KLHL32: variants seen among roughly 807,000 people sequenced by gnomAD.
The protein encoded by KLHL32 is kelch like family member 32.
Under a neutral mutation model 64.8 loss-of-function variants are expected in KLHL32, and 35 were observed. That is an observed-to-expected ratio of 0.54 (90% CI 0.41 to 0.72). The LOEUF (loss-of-function observed/expected upper bound fraction) is 0.72, where lower values mean the gene tolerates loss of function less well. Ranked by LOEUF, KLHL32 falls within the 30% of genes least tolerant of loss-of-function variation. KLHL32 has a pLI of 0.00. For synonymous variants in KLHL32, 259 were observed against 281.0 expected (o/e 0.92, Z 0.78); for missense variants, 589 against 768.5 (o/e 0.77, Z 2.76).
At chr6:97,044,250 G>A (rs1785579949) in intron 4 of KLHL32, among the ~76,000 whole-genome samples, 2 of 151,918 alleles carry the variant, frequency 1.3e-5, no homozygotes, top group African/African-American at 2.4e-5. Flanking sequence ...TCAGATGATC[G>A]TATGGTTGTT....
intron 3 of KLHL32, among the ~76,000 whole-genome samples, chr6:96,996,015 C>T (rs989539541): frequency 6.6e-6 from 1 of 152,184 alleles, no homozygotes; most frequent in African/African-American, 2.4e-5. Flanking sequence ...TGAGGGGCCT[C>T]GAGTGGTGGG....
Position 97,008,786 on chromosome 6 carries a change from A to G in KLHL32, c.204+32609A>G, listed in dbSNP as rs141408661. ...ATCCTTTCCCTCCAGCCTGGCCTCT[A>G]TGTCTTCCTTCCATCCACTCATTGC... On this transcript the variant is annotated intron_variant, in intron 3 of 10. Coordinates refer to ENST00000369261, the MANE Select transcript of KLHL32 (RefSeq NM_052904.4). Among the ~76,000 whole-genome samples the G allele has an allele frequency of 1.8e-3, 267 of 152,102 alleles. 3 individuals carry two copies. The highest frequency in any genetic ancestry group is 6.0e-3 in the African/African-American group (248 of 41,486).
rs139640874 is a variant in KLHL32, at chr6:96,944,932, A to C, written c.-66+19906A>C. 3.3e-4 allele frequency among the ~76,000 whole-genome samples: 50 copies of C among 152,336 alleles called. 1 individual carries two copies. Among genetic ancestry groups the C allele is most frequent in the Admixed American group, 3.3e-3 (50 of 15,298 alleles). ...CTTACAAGAGCTTTTCTTTATTGGA[A>C]GAATGATCGTCTTTACTCTTAAATT... On this transcript the variant is annotated intron_variant, in intron 1 of 10. Coordinates refer to ENST00000369261, the MANE Select transcript of KLHL32 (RefSeq NM_052904.4).
At chr6:97,016,339 G>A (rs1263005986) in intron 3 of KLHL32, among the ~76,000 whole-genome samples, 2 of 152,230 alleles carry the variant, frequency 1.3e-5, no homozygotes, top group Non-Finnish European at 2.9e-5. Context: ...CCAAGGCTAT[G>A]GGAGCCCACC....
intron 5 of KLHL32, among the ~76,000 whole-genome samples, chr6:97,084,836 A>G (rs553983857): frequency 6.6e-6 from 1 of 152,348 alleles, no homozygotes; most frequent in South Asian, 2.1e-4. Flanking sequence ...AATGTTGCAA[A>G]GTAACATTTC....
intron 6 of KLHL32, among the ~76,000 whole-genome samples, chr6:97,086,774 G>T (rs1301563983): frequency 3.3e-5 from 5 of 152,142 alleles, no homozygotes; most frequent in African/African-American, 1.2e-4. Flanking sequence ...AATTATCTCT[G>T]GCTCTCTCTT....
In KLHL32 at chr6:97,041,503, T is replaced by A; in HGVS notation, c.216T>A (p.Ser72Arg). 1 of 1,612,736 alleles carries A rather than the reference T, an allele frequency of 6.2e-7. No homozygotes were observed. Among genetic ancestry groups the A allele is most frequent in the Non-Finnish European group, 8.5e-7 (1 of 1,178,722 alleles). Reference sequence around the variant, plus strand: ...TTTCCTCACCTCAGGCAATGTTCAGTCTTTGTATGGTGGAAAGTGGAGCTG... The same window carrying A: ...TTTCCTCACCTCAGGCAATGTTCAGACTTTGTATGGTGGAAAGTGGAGCTG... ...ACSDYFRAMF[S>R]LCMVESGADE... Residue 72 changes from serine to arginine, a missense_variant, in exon 4 of 11, where the codon AGT becomes AGA. By Grantham distance (110) the Ser-to-Arg change is moderately radical. Transcript: ENST00000369261.
At chr6:96,929,372 G>T (rs890178212) in intron 1 of KLHL32, among the ~76,000 whole-genome samples, 1 of 152,152 alleles carries the variant, frequency 6.6e-6, no homozygotes, top group African/African-American at 2.4e-5. Flanking sequence ...TAAGCAAGGG[G>T]CTTTTTGGTG....
At chr6:97,068,187 A>C (rs1298110195) in intron 5 of KLHL32, among the ~76,000 whole-genome samples, 1 of 152,208 alleles carries the variant, frequency 6.6e-6, no homozygotes, top group Admixed American at 6.5e-5. Flanking sequence ...AGAAAAAAAA[A>C]AGTTTATACA....
In KLHL32 at chr6:96,934,171, T is replaced by C. The variant is rs113828613; in HGVS notation, c.-66+9145T>C. On this transcript the variant is annotated intron_variant, in intron 1 of 10. Coordinates refer to ENST00000369261, the MANE Select transcript of KLHL32 (RefSeq NM_052904.4). ...CACTGTCCTGCAAATACGTGCACTC[T>C]AGAGGTTTGCAACAAGGCTGGTCCT... 2.1e-3 allele frequency among the ~76,000 whole-genome samples: 314 copies of C among 152,342 alleles called. 2 individuals carry two copies. Among genetic ancestry groups the C allele is most frequent in the African/African-American group, 7.4e-3 (306 of 41,586 alleles).
chr6:97,009,862 A>G (rs1472633180), intron 3 of KLHL32, among the ~76,000 whole-genome samples: 1 of 152,140 alleles, frequency 6.6e-6, no homozygotes, highest in Admixed American at 6.6e-5. Flanking sequence ...TTTTTGAGAC[A>G]CTATAATTAA....
chr6:97,058,768 A>G (rs953631118), intron 4 of KLHL32, among the ~76,000 whole-genome samples: 1 of 152,198 alleles, frequency 6.6e-6, no homozygotes, highest in Non-Finnish European at 1.5e-5. Context: ...ATGGCAGCCA[A>G]TTTGAGACCA....
rs548387668 is a variant in KLHL32, at chr6:97,032,868, C to T, written c.205-8624C>T. On this transcript the variant is annotated intron_variant, in intron 3 of 10. Coordinates refer to ENST00000369261, the MANE Select transcript of KLHL32 (RefSeq NM_052904.4). ...GATCTGTTTTTTAATTTTGGAATTT[C>T]GGGTAATCTTCTGCAAATGCATAAA... Among the ~76,000 whole-genome samples the T allele has an allele frequency of 4.9e-4, 74 of 151,012 alleles. 1 individual carries two copies. Among genetic ancestry groups the T allele is most frequent in the South Asian group, 2.9e-3 (14 of 4,782 alleles).
the KLHL32 span, among the ~76,000 whole-genome samples, chr6:96,915,431 A>G: frequency 6.6e-6 from 1 of 152,310 alleles, no homozygotes; most frequent in Non-Finnish European, 1.5e-5. Flanking sequence ...TTTCAGTAAA[A>G]TATGGCAACA....
intron 9 of KLHL32, among the ~76,000 whole-genome samples, chr6:97,131,462 C>T (rs1799434760): frequency 6.6e-6 from 1 of 152,062 alleles, no homozygotes; most frequent in African/African-American, 2.4e-5. Context: ...CATTTTTGGC[C>T]ACAAATACCC....
chr6:96,949,282 A>G (rs1313996300), intron 1 of KLHL32, among the ~76,000 whole-genome samples: 1 of 152,102 alleles, frequency 6.6e-6, no homozygotes, highest in Non-Finnish European at 1.5e-5. Flanking sequence ...CATGCATTTT[A>G]CTTCATTTAA....
chr6:96,964,710 A>G (rs564717744), intron 1 of KLHL32, among the ~76,000 whole-genome samples: 3 of 152,314 alleles, frequency 2.0e-5, no homozygotes, highest in African/African-American at 7.2e-5. Context: ...TTTTAATTCA[A>G]TATATACATT....
chr6:97,049,525 T>C (rs1218690968), intron 4 of KLHL32, among the ~76,000 whole-genome samples: 2 of 151,310 alleles, frequency 1.3e-5, no homozygotes, highest in South Asian at 2.1e-4. Flanking sequence ...TTTAATGTTT[T>C]TGGACTGCAG....
intron 1 of KLHL32, among the ~76,000 whole-genome samples, chr6:96,953,083 C>G (rs1772826871): frequency 6.6e-6 from 1 of 152,174 alleles, no homozygotes; most frequent in African/African-American, 2.4e-5. Context: ...ACTTGGCTAG[C>G]TCTACATTAA....
Sources: allele counts gnomAD v4.1 joint callset (sites outside exome capture counted in the v4.1 genomes callset), GRCh38; gene constraint gnomAD v4.1.1; transcripts MANE v1.5; gene names NCBI Gene and HGNC (gene_info 2026-07-23, HGNC 2026-07-21).